Variants in NQO2 observed in about 807,000 individuals in gnomAD.
NQO2 encodes N-ribosyldihydronicotinamide:quinone dehydrogenase 2.
A neutral mutation model predicts 22.0 loss-of-function variants in NQO2; 18 were observed. That is an observed-to-expected ratio of 0.82 (90% CI 0.56 to 1.21). NQO2 has a LOEUF of 1.21. Ranked by LOEUF, NQO2 falls within the 50% of genes most tolerant of loss-of-function variation. The pLI, the probability that NQO2 is intolerant of heterozygous loss-of-function variation, is 0.00. For synonymous variants in NQO2, 106 were observed against 110.8 expected, an observed-to-expected ratio of 0.96 and a Z score of 0.28; for missense variants, 267 against 286.9, an observed-to-expected ratio of 0.93 and a Z score of 0.50.
chr6:3,011,751 C>A (rs954855717), intron 3 of NQO2, among the ~76,000 whole-genome samples: 2 of 152,160 alleles, frequency 1.3e-5, no homozygotes, highest in African/African-American at 2.4e-5. Flanking sequence ...CAACAGAAAA[C>A]ATATAGGCCA....
At chr6:3,010,327 G>A in intron 3 of NQO2, 138 bp downstream of exon 3, 1 of 670,652 alleles carries the variant, frequency 1.5e-6, no homozygotes, top group South Asian at 2.2e-5. Flanking sequence ...GATAGCACTG[G>A]GATTATCACC....
At chr6:3,004,003 C>A (rs1207030229) in intron 1 of NQO2, among the ~76,000 whole-genome samples, 1 of 151,884 alleles carries the variant, frequency 6.6e-6, no homozygotes, top group Admixed American at 6.6e-5. Context: ...GGTGCATAGC[C>A]TCCATCCCCA....
Position 3,019,546 on chromosome 6 carries a change from C to T in NQO2, c.587C>T (p.Ala196Val), listed in dbSNP as rs1380300259. 3.1e-6 allele frequency: 5 copies of T among 1,614,066 alleles called. No homozygotes were observed. The highest frequency in any genetic ancestry group is 4.2e-6 in the Non-Finnish European group (5 of 1,180,042). The change falls in exon 7 of 7, where the codon GCA becomes GTA. Residue 196 changes from alanine (A) to valine (V), a missense_variant. Coordinates refer to ENST00000380455, the MANE Select transcript of NQO2 (RefSeq NM_000904.6). ...CAGATCAGCTTTGCTCCTGAAATTG[C>T]ATCCGAAGAAGAAAGAAAGGGGATG... ...APQISFAPEIASEEERKGMVA... is the reference protein window; with the variant it reads ...APQISFAPEIVSEEERKGMVA...
chr6:3,019,511 C>T lies in NQO2; in HGVS notation c.552C>T (p.Val184=), dbSNP rs778709219. ...HGTLHFCGFK[V]LAPQISFAPE... Reference sequence around the variant, plus strand: ...CATTACACTTCTGTGGATTTAAAGTCCTTGCCCCTCAGATCAGCTTTGCTC... The same window carrying T: ...CATTACACTTCTGTGGATTTAAAGTTCTTGCCCCTCAGATCAGCTTTGCTC... The change falls in exon 7 of 7, where the codon GTC becomes GTT. Residue 184 remains valine, a synonymous_variant. Transcript: ENST00000380455. 6.2e-7 allele frequency: 1 copy of T among 1,614,064 alleles called. No homozygotes were observed. Among genetic ancestry groups the T allele is most frequent in the Non-Finnish European group, 8.5e-7 (1 of 1,179,986 alleles).
intron 3 of NQO2, among the ~76,000 whole-genome samples, chr6:3,012,162 C>T (rs1017722382): frequency 6.6e-6 from 1 of 152,140 alleles, no homozygotes; most frequent in Non-Finnish European, 1.5e-5. Flanking sequence ...CACAGATACT[C>T]AAAAATGTGG....
intron 5 of NQO2, among the ~76,000 whole-genome samples, chr6:3,016,494 G>A (rs58022726): frequency 0.055 from 8,239 of 150,542 alleles, 355 homozygotes; most frequent in African/African-American, 0.12. Flanking sequence ...ATAAATGCAC[G>A]TAAGGGAAAC....
At chr6:3,016,667 G>T (rs1322183422) in intron 5 of NQO2, 2 of 810,428 alleles carry the variant, frequency 2.5e-6, no homozygotes, top group Middle Eastern at 6.2e-4. Flanking sequence ...GCATGTTAGA[G>T]CTTCTGTGTC....
In NQO2 at chr6:3,006,494, A is replaced by G. The variant is rs1006532171; in HGVS notation, c.-59A>G. 2 of 1,612,296 alleles carry G rather than the reference A, an allele frequency of 1.2e-6. No individual in the cohort carries two copies. The highest frequency in any genetic ancestry group is 2.7e-5 in the African/African-American group (2 of 74,800). On this transcript the variant is annotated 5_prime_UTR_variant, in exon 2 of 7. Coordinates refer to ENST00000380455, the MANE Select transcript of NQO2 (RefSeq NM_000904.6). The surrounding 1 kb of genome is among the most constrained non-coding windows in gnomAD (Gnocchi z 4.0). ...TTGCTGGACTCGCTGAAGAGAGACT[A>G]CGCAGGAAAGCCCCAGCCACCCATC...
chr6:3,012,668 A>C lies in NQO2; in HGVS notation c.297A>C (p.Ile99=). 6.2e-7 allele frequency: 1 copy of C among 1,612,424 alleles called. No individual in the cohort carries two copies. The highest frequency in any genetic ancestry group is 8.5e-7 in the Non-Finnish European group (1 of 1,179,442). The change falls in exon 4 of 7, where the codon ATA becomes ATC. Residue 99 remains isoleucine, a synonymous_variant. Coordinates refer to ENST00000380455, the MANE Select transcript of NQO2 (RefSeq NM_000904.6). ...QKKVREADLV[I]FQFPLYWFSV... ...AGGTTCGGGAGGCTGACCTAGTGAT[A>C]TTTCAGGTTTGTTTTTCTCTAATTA...
At chr6:3,004,057 C>G (rs1360288072) in intron 1 of NQO2, 1 of 154,826 alleles carries the variant, frequency 6.5e-6, no homozygotes, top group Non-Finnish European at 1.4e-5. Flanking sequence ...ATCCCACAGT[C>G]CAGCTGGGAA....
chr6:3,018,258 G>A (rs1193399081), intron 6 of NQO2, among the ~76,000 whole-genome samples: 1 of 152,186 alleles, frequency 6.6e-6, no homozygotes, highest in Non-Finnish European at 1.5e-5. Flanking sequence ...TGTAATTCCA[G>A]CACTCTGGGA....
Position 3,006,406 on chromosome 6 carries a change from G to A in NQO2, c.-85-62G>A. On this transcript the variant is annotated intron_variant, in intron 1 of 6. Transcript: ENST00000380455. The surrounding 1 kb of genome is among the most constrained non-coding windows in gnomAD (Gnocchi z 4.0). ...CAGGAAGCAGCAGTGATGCCTAGAT[G>A]TGGTACATTCGACCTCACCTATGCC... 30 of 1,487,604 alleles carry A rather than the reference G, an allele frequency of 2.0e-5. No individual in the cohort carries two copies. Among genetic ancestry groups the A allele is most frequent in the Admixed American group, 2.6e-5 (1 of 38,056 alleles). The allele number at this position is 1,487,604 out of a possible 1,614,324, so 92.2% of individuals were successfully genotyped here.
At chr6:3,001,606 G>A (rs868804990) in intron 1 of NQO2, among the ~76,000 whole-genome samples, 8 of 152,300 alleles carry the variant, frequency 5.3e-5, no homozygotes, top group Middle Eastern at 3.4e-3. Context: ...TGGTTTAGCT[G>A]CCGCATGAAT....
rs1049115 is a variant in NQO2 at position 3,015,556 on chromosome 6, A to T, written c.330A>T (p.Pro110=). The change falls in exon 5 of 7, where the codon CCA becomes CCT. Residue 110 remains proline, a synonymous_variant. Coordinates refer to ENST00000380455, the MANE Select transcript of NQO2 (RefSeq NM_000904.6). ...FQFPLYWFSV[P]AILKGWMDRV... ...TCCCGCTGTACTGGTTCAGCGTGCC[A>T]GCCATCCTGAAGGGCTGGATGGATA... The T allele has an allele frequency of 6.2e-7, 1 of 1,613,944 alleles. No individual in the cohort carries two copies. The highest frequency in any genetic ancestry group is 8.5e-7 in the Non-Finnish European group (1 of 1,179,992).
At chr6:3,015,106 C>T in intron 4 of NQO2, 1 of 1,293,496 alleles carries the variant, frequency 7.7e-7, no homozygotes, top group Non-Finnish European at 1.0e-6. Context: ...GTGTCTAAAT[C>T]CATAGATGCT....
chr6:3,010,117 G>A lies in NQO2; in HGVS notation c.100G>A (p.Gly34Ser). The change falls in exon 3 of 7, where the codon GGC becomes AGC. Residue 34 changes from glycine (G) to serine (S), a missense_variant. Transcript: ENST00000380455. ...NVAVDELSRQ[G>S]CTVTVSDLYA... ...GGCTGTAGATGAACTGAGCAGGCAG[G>A]GCTGCACCGTCACAGTGTCTGATTT... is the stretch of plus-strand genomic sequence containing the variant. 6.2e-7 allele frequency: 1 copy of A among 1,614,036 alleles called. No individual in the cohort carries two copies. Among genetic ancestry groups the A allele is most frequent in the Non-Finnish European group, 8.5e-7 (1 of 1,179,980 alleles).
chr6:3,012,317 G>T, intron 3 of NQO2: 1 of 858,172 alleles, frequency 1.2e-6, no homozygotes, highest in Non-Finnish European at 1.4e-6. Context: ...GAAGAAAGGT[G>T]ATGTGTGTAG....
chr6:3,010,232 A>ACGCC (rs756159525), intron 3 of NQO2, 43 bp downstream of exon 3: 2 of 1,467,490 alleles, frequency 1.4e-6, no homozygotes, highest in African/African-American at 2.9e-5. Context: ...AACCATCTTT[A>ACGCC]TGTTTTTTAC....
intron 4 of NQO2, 92 bp downstream of exon 4, chr6:3,012,766 GCA>G: frequency 1.5e-6 from 2 of 1,355,480 alleles, no homozygotes; most frequent in Non-Finnish European, 2.0e-6. Flanking sequence ...TCTGGAAGTG[GCA>G]TCAATGTTTT....
Sources: allele counts gnomAD v4.1 joint callset (sites outside exome capture counted in the v4.1 genomes callset), GRCh38; gene constraint gnomAD v4.1.1; non-coding constraint Gnocchi (gnomAD v3.1); transcripts MANE v1.5; gene names NCBI Gene and HGNC (gene_info 2026-07-23, HGNC 2026-07-21).